The following GMDS variants were observed in gnomAD, a reference collection of about 807,000 sequenced individuals.
GMDS encodes GDP-mannose 4,6-dehydratase, also known as GDP-mannose 4,6 dehydratase.
Under a neutral mutation model 49.9 loss-of-function variants are expected in GMDS, and 20 were observed. That is an observed-to-expected ratio of 0.40 (90% confidence interval 0.28 to 0.58). GMDS has a LOEUF of 0.58. Among genes scored for constraint, GMDS ranks in the 20% least tolerant of loss-of-function variants. GMDS has a pLI of 0.42. For missense variants in GMDS, 362 were observed against 481.4 expected (o/e 0.75, Z 2.32); for synonymous variants, 177 against 178.6 (o/e 0.99, Z 0.07).
chr6:1,733,836 A>C (rs1369110888), intron 8 of GMDS, among the ~76,000 whole-genome samples: 4 of 131,444 alleles, frequency 3.0e-5, no homozygotes, highest in Non-Finnish European at 4.8e-5. Context: ...AGGGCGACAG[A>C]GTGAGACTCT....
At chr6:1,981,259 G>T (rs1273672844) in intron 4 of GMDS, among the ~76,000 whole-genome samples, 1 of 122,122 alleles carries the variant, frequency 8.2e-6, no homozygotes, top group African/African-American at 2.8e-5. Flanking sequence ...GCTGGTTTTT[G>T]GAAAAAAATT....
chr6:1,899,517 G>A (rs975275796), intron 7 of GMDS, among the ~76,000 whole-genome samples: 12 of 152,178 alleles, frequency 7.9e-5, no homozygotes, highest in Admixed American at 3.9e-4. Context: ...GAAGACCTTC[G>A]TCAAGAAAGC....
At chr6:1,657,341 G>A (rs920617175) in intron 9 of GMDS, among the ~76,000 whole-genome samples, 17 of 152,324 alleles carry the variant, frequency 1.1e-4, no homozygotes, top group African/African-American at 3.8e-4. Context: ...TGCTGGAAGC[G>A]GTGCTTATGC....
chr6:1,702,447 T>C (rs1458628966), intron 9 of GMDS, among the ~76,000 whole-genome samples: 1 of 152,190 alleles, frequency 6.6e-6, no homozygotes, highest in Non-Finnish European at 1.5e-5. Flanking sequence ...CCTGATAGCA[T>C]TGATTCTGGC....
intron 4 of GMDS, among the ~76,000 whole-genome samples, chr6:1,975,359 A>G (rs1764839592): frequency 6.6e-6 from 1 of 152,190 alleles, no homozygotes; most frequent in South Asian, 2.1e-4. Context: ...GCATTTCAGA[A>G]AGCAGTAACA....
At position 2,166,108 on chromosome 6, in the gene GMDS, A is replaced by C. The variant is rs1028610854; in HGVS notation, c.103-41377T>G. Among the ~76,000 whole-genome samples the C allele has an allele frequency of 3.3e-5, 5 of 152,198 alleles. No individual in the cohort carries two copies. In the East Asian group the frequency reaches 9.6e-4, roughly 29 times the overall value. On this transcript the variant is annotated intron_variant, in intron 1 of 10. Transcript: ENST00000380815. ...TCAACAGGAAAAACAAAAAAGAAGC[A>C]AGAAAACAGAGAACGTGAGCATTCA... is the stretch of plus-strand genomic sequence containing the variant.
chr6:2,166,937 T>C (rs1045852634), intron 1 of GMDS, among the ~76,000 whole-genome samples: 2 of 152,210 alleles, frequency 1.3e-5, no homozygotes, highest in African/African-American at 2.4e-5. Context: ...GCAGCTGAAA[T>C]AGGCCAAGGA....
intron 4 of GMDS, among the ~76,000 whole-genome samples, chr6:2,083,650 AC>A (rs1365407832): frequency 2.6e-5 from 4 of 152,208 alleles, no homozygotes; most frequent in African/African-American, 9.7e-5. Flanking sequence ...TTATGCCTAT[AC>A]CCTCAGAAAG....
chr6:1,933,850 G>A (rs1208545555), intron 6 of GMDS, among the ~76,000 whole-genome samples: 3 of 152,298 alleles, frequency 2.0e-5, no homozygotes, highest in Middle Eastern at 3.4e-3. Flanking sequence ...TGTGCTCTCT[G>A]AAGCATAAAA....
intron 9 of GMDS, among the ~76,000 whole-genome samples, chr6:1,681,886 A>T (rs1337316027): frequency 6.6e-6 from 1 of 152,208 alleles, no homozygotes; most frequent in South Asian, 2.1e-4. Context: ...TATAGAGACA[A>T]GGTCTTGCTA....
chr6:2,045,906 T>G (rs773485865), intron 4 of GMDS, among the ~76,000 whole-genome samples: 5 of 152,188 alleles, frequency 3.3e-5, no homozygotes, highest in African/African-American at 4.8e-5. Flanking sequence ...ATGAGACAGC[T>G]TAGTTTTTAA....
chr6:1,958,981 C>A (rs139288776), intron 6 of GMDS, among the ~76,000 whole-genome samples: 11 of 152,260 alleles, frequency 7.2e-5, no homozygotes, highest in African/African-American at 2.4e-4. Context: ...AGAACTAGCA[C>A]GTTGCTACAG....
At chr6:1,934,499 G>T (rs73425558) in intron 6 of GMDS, among the ~76,000 whole-genome samples, 3 of 152,122 alleles carry the variant, frequency 2.0e-5, no homozygotes, top group Non-Finnish European at 4.4e-5. Flanking sequence ...TGTGCCTTCC[G>T]ATACATGAAT....
intron 1 of GMDS, among the ~76,000 whole-genome samples, chr6:2,241,059 C>T (rs1781593469): frequency 1.3e-5 from 2 of 152,170 alleles, no homozygotes; most frequent in Admixed American, 1.3e-4. Flanking sequence ...CTGAAGGCAT[C>T]TCAGACATCT....
At chr6:2,099,052 G>A (rs1773775358) in intron 4 of GMDS, among the ~76,000 whole-genome samples, 1 of 151,984 alleles carries the variant, frequency 6.6e-6, no homozygotes, top group East Asian at 1.9e-4. Flanking sequence ...CAATACTGTC[G>A]CTTATAAAGA....
At chr6:1,651,758 C>T (rs1350171631) in intron 9 of GMDS, among the ~76,000 whole-genome samples, 1 of 152,186 alleles carries the variant, frequency 6.6e-6, no homozygotes, top group Non-Finnish European at 1.5e-5. Flanking sequence ...AGCCCTACCC[C>T]ACAGAGTTGT....
intron 7 of GMDS, among the ~76,000 whole-genome samples, chr6:1,850,827 T>C (rs1757633213): frequency 6.6e-6 from 1 of 152,210 alleles, no homozygotes; most frequent in Non-Finnish European, 1.5e-5. Flanking sequence ...CCCTCCCTTT[T>C]AGAAATATTG....
At chr6:2,227,632 T>A (rs555167534) in intron 1 of GMDS, among the ~76,000 whole-genome samples, 1 of 152,230 alleles carries the variant, frequency 6.6e-6, no homozygotes. Flanking sequence ...TTGCACTGGA[T>A]GCAGGGAGTG....
At chr6:2,065,393 C>A (rs936499253) in intron 4 of GMDS, among the ~76,000 whole-genome samples, 2 of 152,194 alleles carry the variant, frequency 1.3e-5, no homozygotes, top group African/African-American at 4.8e-5. Context: ...AACACAGTTC[C>A]TCACCAGCAA....
Sources: gnomAD v4.1 joint callset for allele counts (sites outside exome capture counted in the v4.1 genomes callset) on GRCh38, gnomAD v4.1.1 for gene constraint, MANE v1.5 for transcripts, NCBI Gene and HGNC (gene_info 2026-07-23, HGNC 2026-07-21) for gene names.